The following DMD variants were observed in gnomAD, a reference collection of about 807,000 sequenced individuals.
DMD encodes dystrophin, also known as mutant dystrophin.
DMD carries 63 observed loss-of-function variants against 330.1 expected under a neutral mutation model. That is an observed-to-expected ratio of 0.19 (90% CI 0.16 to 0.24). The LOEUF is 0.24. Ranked by LOEUF, DMD falls within the 10% of genes least tolerant of loss-of-function variation. DMD has a pLI of 1.00. For synonymous variants in DMD, 1,223 were observed against 959.8 expected (o/e 1.27, Z -5.07); for missense variants, 3,344 against 2,684.1 (o/e 1.25, Z -5.43).
At chrX:31,443,913 C>T (rs1452403857) in intron 60 of DMD, among the ~76,000 whole-genome samples, 4 of 111,434 alleles carry the variant, frequency 3.6e-5, no homozygotes, top group Admixed American at 1.9e-4. Context: ...CCCTCTAACT[C>T]GCGTGTTGAA....
At chrX:31,267,173 C>T (rs1371182722) in intron 62 of DMD, among the ~76,000 whole-genome samples, 2 of 111,910 alleles carry the variant, frequency 1.8e-5, no homozygotes, top group Non-Finnish European at 3.8e-5. Flanking sequence ...AACCTGGAAG[C>T]CACACACCGC....
rs895041986 is a variant in DMD at position 31,296,291 on chromosome X, C to G, written c.9224+27307G>C. Among the ~76,000 whole-genome samples, 4 of 111,652 alleles carry G rather than the reference C, an allele frequency of 3.6e-5. No homozygotes were observed. In the Admixed American group the frequency reaches 3.8e-4, roughly 11 times the overall value. On this transcript the variant is annotated intron_variant, in intron 62 of 78. Transcript: ENST00000357033. ...CATACTCTATAAATTCTATAACTAT[C>G]TTATAAGTATGGTATCTAAAAATAA... is the stretch of plus-strand genomic sequence containing the variant.
chrX:32,159,817 C>T (rs943286192), intron 44 of DMD, among the ~76,000 whole-genome samples: 6 of 111,776 alleles, frequency 5.4e-5, no homozygotes, highest in African/African-American at 2.0e-4. Flanking sequence ...GTCTTTGCTA[C>T]CCAAAGTATG....
intron 41 of DMD, among the ~76,000 whole-genome samples, chrX:32,319,593 T>C (rs1218283964): frequency 2.7e-5 from 3 of 111,780 alleles, no homozygotes; most frequent in African/African-American, 9.7e-5. Flanking sequence ...TTAAAAGGTA[T>C]ATCTGATTTC....
intron 13 of DMD, among the ~76,000 whole-genome samples, chrX:32,593,732 G>A (rs1426640192): frequency 8.9e-6 from 1 of 112,432 alleles, no homozygotes; most frequent in Non-Finnish European, 1.9e-5. Context: ...CTTAGAAAGA[G>A]ATGTGGTAAT....
At chrX:32,033,921 G>A (rs1208857893) in intron 44 of DMD, among the ~76,000 whole-genome samples, 1 of 111,855 alleles carries the variant, frequency 8.9e-6, no homozygotes, top group Non-Finnish European at 1.9e-5. Context: ...ATATGACTAT[G>A]CAGAAGACTA....
chrX:31,475,257 A>G (rs1314627865), intron 59 of DMD, among the ~76,000 whole-genome samples: 1 of 112,172 alleles, frequency 8.9e-6, no homozygotes, highest in Non-Finnish European at 1.9e-5. Context: ...AGTTTTACCA[A>G]TCAGGGTATG....
At chrX:31,684,544 C>A (rs747952523) in intron 52 of DMD, among the ~76,000 whole-genome samples, 56 of 111,972 alleles carry the variant, frequency 5.0e-4, no homozygotes, top group Admixed American at 4.3e-3. Flanking sequence ...CAAAGATGGA[C>A]TTATGGTTCC....
intron 41 of DMD, among the ~76,000 whole-genome samples, chrX:32,324,489 A>T (rs952254348): frequency 9.0e-5 from 10 of 111,556 alleles, no homozygotes; most frequent in African/African-American, 3.3e-4. Context: ...TTAAAAAGTG[A>T]AAGTCAAAAT....
chrX:32,960,875 A>T (rs1275838501), intron 2 of DMD, among the ~76,000 whole-genome samples: 1 of 104,649 alleles, frequency 9.6e-6, no homozygotes, highest in Non-Finnish European at 2.0e-5. Context: ...ATCAATGAAC[A>T]TGTGAAGAAG....
intron 55 of DMD, among the ~76,000 whole-genome samples, chrX:31,591,426 C>T (rs2076864356): frequency 9.0e-6 from 1 of 111,197 alleles, no homozygotes; most frequent in South Asian, 3.8e-4. Flanking sequence ...GAGTCAGAGG[C>T]CTATTTTTCA....
At chrX:33,221,913 T>C (rs2052187519) in intron 1 of DMD, among the ~76,000 whole-genome samples, 1 of 110,767 alleles carries the variant, frequency 9.0e-6, no homozygotes. Context: ...GTTAAGGAAA[T>C]ATAACTCATA....
intron 55 of DMD, among the ~76,000 whole-genome samples, chrX:31,509,344 C>T (rs919307800): frequency 1.8e-5 from 2 of 111,782 alleles, no homozygotes; most frequent in Non-Finnish European, 1.9e-5. Context: ...CTAAGTACTT[C>T]AGGAGAAAAA....
At chrX:32,996,401 G>C (rs867946021) in intron 2 of DMD, among the ~76,000 whole-genome samples, 1 of 111,651 alleles carries the variant, frequency 9.0e-6, no homozygotes, top group Non-Finnish European at 1.9e-5. Flanking sequence ...TTTTAGTATT[G>C]TTTTCTGAGG....
At chrX:33,288,425 G>A (rs942410248) in intron 1 of DMD, among the ~76,000 whole-genome samples, 5 of 110,646 alleles carry the variant, frequency 4.5e-5, no homozygotes, top group Non-Finnish European at 9.5e-5. Flanking sequence ...AATTTACTTC[G>A]GCCAACCTGT....
chrX:31,637,808 CATA>C (rs1337336331), intron 54 of DMD, among the ~76,000 whole-genome samples: 2 of 111,362 alleles, frequency 1.8e-5, no homozygotes, highest in African/African-American at 3.3e-5. Flanking sequence ...AGTTGAACCT[CATA>C]ATAATTTGAA....
intron 4 of DMD, among the ~76,000 whole-genome samples, chrX:32,829,070 C>A (rs909466780): frequency 1.8e-5 from 2 of 111,548 alleles, no homozygotes; most frequent in African/African-American, 3.2e-5. Context: ...TATAATTCAA[C>A]AAAATTTTGT....
chrX:32,718,829 T>C (rs1352752442), intron 7 of DMD, among the ~76,000 whole-genome samples: 2 of 112,325 alleles, frequency 1.8e-5, no homozygotes, highest in Non-Finnish European at 3.8e-5. Flanking sequence ...CTTTAAAATA[T>C]ATGGCAAATG....
At chrX:32,918,088 C>T (rs1222037904) in intron 2 of DMD, among the ~76,000 whole-genome samples, 1 of 110,638 alleles carries the variant, frequency 9.0e-6, no homozygotes, top group Non-Finnish European at 1.9e-5. Flanking sequence ...GAAGGTTCGA[C>T]CTATTGTGCT....
Sources: gnomAD v4.1 joint callset for allele counts (sites outside exome capture counted in the v4.1 genomes callset) on GRCh38, gnomAD v4.1.1 for gene constraint, MANE v1.5 for transcripts, NCBI Gene and HGNC (gene_info 2026-07-23, HGNC 2026-07-21) for gene names.